Variants in SEZ6L observed in about 807,000 individuals in gnomAD.
SEZ6L encodes seizure 6-like protein.
A neutral mutation model predicts 106.2 loss-of-function variants in SEZ6L; 37 were observed. That is an observed-to-expected ratio of 0.35 (90% CI 0.27 to 0.46). The LOEUF is 0.46. SEZ6L is among the 20% of genes least tolerant of loss of function. SEZ6L has a pLI of 1.00. For missense variants in SEZ6L, 1,172 were observed against 1,332.8 expected (o/e 0.88, Z 1.88); for synonymous variants, 541 against 570.4 (o/e 0.95, Z 0.73).
intron 13 of SEZ6L, among the ~76,000 whole-genome samples, chr22:26,368,384 G>C (rs1374281816): frequency 1.3e-5 from 2 of 152,170 alleles, no homozygotes; most frequent in African/African-American, 2.4e-5. Context: ...ATAAACAAAA[G>C]TGTGGCAGAA....
At chr22:26,253,680 C>T (rs868818119) in intron 1 of SEZ6L, among the ~76,000 whole-genome samples, 56 of 152,160 alleles carry the variant, frequency 3.7e-4, no homozygotes, top group Middle Eastern at 3.2e-3. Flanking sequence ...ATTTAGTTTA[C>T]TGTATACATT....
intron 9 of SEZ6L, among the ~76,000 whole-genome samples, chr22:26,321,687 A>G (rs1378827477): frequency 6.6e-6 from 1 of 152,212 alleles, no homozygotes; most frequent in Admixed American, 6.5e-5. Flanking sequence ...TAGTAAACCA[A>G]TTTGGGTTTG....
In SEZ6L at chr22:26,347,887, G is replaced by T; in HGVS notation, c.2381G>T (p.Ser794Ile). ...ACCTGCCAGTGGGACCTCAGCTGGAGCAGCGACCCCCCATTTTGTGAGAAA... is the reference window on the plus strand; with the variant it reads ...ACCTGCCAGTGGGACCTCAGCTGGATCAGCGACCCCCCATTTTGTGAGAAA... ...TLTCQWDLSW[S>I]SDPPFCEKIM... is the part of the protein sequence containing the mutation. Residue 794 changes from serine (S) to isoleucine (I), a missense_variant, in exon 11 of 17, where the codon AGC becomes ATC. Coordinates refer to ENST00000248933, the MANE Select transcript of SEZ6L (RefSeq NM_021115.5). 6.3e-7 allele frequency: 1 copy of T among 1,575,520 alleles called. No homozygotes were observed. Among genetic ancestry groups the T allele is most frequent in the Non-Finnish European group, 8.6e-7 (1 of 1,167,180 alleles).
intron 6 of SEZ6L, among the ~76,000 whole-genome samples, chr22:26,309,732 C>T (rs968552037): frequency 6.6e-6 from 1 of 152,124 alleles, no homozygotes; most frequent in African/African-American, 2.4e-5. Flanking sequence ...GCACGCGCCA[C>T]CATATCTGTC....
chr22:26,272,174 A>G (rs1473194448), intron 1 of SEZ6L, among the ~76,000 whole-genome samples: 1 of 152,250 alleles, frequency 6.6e-6, no homozygotes, highest in Non-Finnish European at 1.5e-5. Flanking sequence ...TGAAGAGAGC[A>G]AACCTAAAAA....
chr22:26,169,968 C>T (rs1938466789), intron 1 of SEZ6L, among the ~76,000 whole-genome samples: 1 of 152,240 alleles, frequency 6.6e-6, no homozygotes, highest in South Asian at 2.1e-4. Flanking sequence ...TTGAAGGACT[C>T]GGGCGCTTCC....
chr22:26,309,236 C>G (rs1382092342), intron 6 of SEZ6L, among the ~76,000 whole-genome samples: 1 of 152,178 alleles, frequency 6.6e-6, no homozygotes, highest in Non-Finnish European at 1.5e-5. Flanking sequence ...AAAACCAAGG[C>G]TAGCAAGAAG....
chr22:26,369,341 C>CTTTTTTTTTTTTTTTTTTTCTTTTT (rs199641007), intron 13 of SEZ6L, among the ~76,000 whole-genome samples: 1 of 103,728 alleles, frequency 9.6e-6, no homozygotes, highest in Non-Finnish European at 1.7e-5. Context: ...ATAAGCAGTT[C>CTTTTTTTTTTTTTTTTTTTCTTTTT]TTTTGTTTTT....
chr22:26,276,457 G>A (rs1351916894), intron 1 of SEZ6L, among the ~76,000 whole-genome samples: 1 of 152,240 alleles, frequency 6.6e-6, no homozygotes, highest in Non-Finnish European at 1.5e-5. Flanking sequence ...CTGGGAATCT[G>A]AGCAAACAGG....
intron 5 of SEZ6L, among the ~76,000 whole-genome samples, chr22:26,303,202 G>C (rs557176997): frequency 1.3e-5 from 2 of 152,284 alleles, no homozygotes; most frequent in Admixed American, 1.3e-4. Context: ...AATGAACCTA[G>C]CTTTCTGTCT....
intron 1 of SEZ6L, among the ~76,000 whole-genome samples, chr22:26,174,351 G>A (rs746306657): frequency 3.0e-4 from 45 of 152,272 alleles, no homozygotes; most frequent in Admixed American, 3.3e-4. Flanking sequence ...ACACCCCCGC[G>A]GAATTGGAGA....
intron 9 of SEZ6L, among the ~76,000 whole-genome samples, chr22:26,334,272 G>A (rs73879871): frequency 0.02 from 3,001 of 152,094 alleles, 99 homozygotes; most frequent in African/African-American, 0.068. Flanking sequence ...TTAAGCAATT[G>A]TTCCGCATTC....
intron 1 of SEZ6L, among the ~76,000 whole-genome samples, chr22:26,258,916 C>A (rs1354251571): frequency 6.6e-6 from 1 of 152,138 alleles, no homozygotes; most frequent in African/African-American, 2.4e-5. Flanking sequence ...TTAGAAAAAT[C>A]ATCATGGAAG....
chr22:26,360,654 GTCA>G (rs2083585958), intron 12 of SEZ6L, among the ~76,000 whole-genome samples: 1 of 152,126 alleles, frequency 6.6e-6, no homozygotes, highest in South Asian at 2.1e-4. Flanking sequence ...AGCCACCAAC[GTCA>G]TCAAGAAAAA....
chr22:26,365,267 G>C, intron 12 of SEZ6L, 105 bp from the exon 13 acceptor site: 1 of 879,272 alleles, frequency 1.1e-6, no homozygotes, highest in Non-Finnish European at 1.8e-6. Flanking sequence ...GATGCAGAGA[G>C]AGGATGCTGG....
chr22:26,175,330 G>A (rs1045776960), intron 1 of SEZ6L, among the ~76,000 whole-genome samples: 1 of 152,134 alleles, frequency 6.6e-6, no homozygotes, highest in Non-Finnish European at 1.5e-5. Context: ...AGGCACTTAC[G>A]TTGGTTATTT....
chr22:26,202,154 T>C (rs528776828), intron 1 of SEZ6L, among the ~76,000 whole-genome samples: 1 of 152,258 alleles, frequency 6.6e-6, no homozygotes, highest in East Asian at 1.9e-4. Context: ...GATCTCGTGA[T>C]CCACCTGCCT....
At position 26,169,702 on chromosome 22, in the gene SEZ6L, C is replaced by A. The variant is rs1292470177; in HGVS notation, c.33C>A (p.Leu11=). The A allele has an allele frequency of 7.6e-7, 1 of 1,313,908 alleles. No homozygotes were observed. Among genetic ancestry groups the A allele is most frequent in the Non-Finnish European group, 9.7e-7 (1 of 1,034,076 alleles). The allele number at this position is 1,313,908 out of a possible 1,614,324, so 81.4% of individuals were successfully genotyped here. A position where few individuals can be genotyped will look rare whatever the true frequency, so the allele number is the denominator to read the frequency against. ...CGGCCCGGCCGCCCGCCGCGGGACTCCGCGGGATCTCGCTGTTCCTCGCTC... is the reference window on the plus strand; with the variant it reads ...CGGCCCGGCCGCCCGCCGCGGGACTACGCGGGATCTCGCTGTTCCTCGCTC... MPAARPPAAG[L]RGISLFLALL... is the part of the protein sequence containing the mutation. Residue 11 remains leucine, a synonymous_variant, in exon 1 of 17, where the codon CTC becomes CTA. Transcript: ENST00000248933.
intron 1 of SEZ6L, among the ~76,000 whole-genome samples, chr22:26,197,624 A>T (rs1252749482): frequency 6.6e-6 from 1 of 152,202 alleles, no homozygotes. Flanking sequence ...TGACTGTAGG[A>T]AGAGTTAATA....
Sources: gnomAD v4.1 joint callset for allele counts (sites outside exome capture counted in the v4.1 genomes callset) on GRCh38, gnomAD v4.1.1 for gene constraint, MANE v1.5 for transcripts, NCBI Gene and HGNC (gene_info 2026-07-23, HGNC 2026-07-21) for gene names.